KCNN2: variants seen among roughly 807,000 people sequenced by gnomAD.
The protein encoded by KCNN2 is small conductance calcium-activated potassium channel protein 2.
KCNN2 carries 24 observed loss-of-function variants against 55.5 expected under a neutral mutation model. The ratio of observed to expected loss-of-function variants is 0.43; its 90% confidence interval spans 0.31 to 0.61. The LOEUF (loss-of-function observed/expected upper bound fraction) is 0.61, where lower values mean the gene tolerates loss of function less well. Among genes scored for constraint, KCNN2 ranks in the 20% least tolerant of loss-of-function variants. The pLI is 0.08. For missense variants in KCNN2, 754 were observed against 853.6 expected (o/e 0.88, Z 1.45); for synonymous variants, 431 against 336.1 (o/e 1.28, Z -3.09).
chr5:114,171,699 T>C (rs1419140721), intron 1 of KCNN2, among the ~76,000 whole-genome samples: 2 of 150,682 alleles, frequency 1.3e-5, no homozygotes, highest in African/African-American at 4.9e-5. Context: ...TTGAGAACTG[T>C]GTTCTCTCCA....
intron 1 of KCNN2, among the ~76,000 whole-genome samples, chr5:114,059,520 C>G (rs990063331): frequency 1.3e-5 from 2 of 152,082 alleles, no homozygotes; most frequent in African/African-American, 4.8e-5. Context: ...TTTCCCCTAG[C>G]AAAGTATAAG....
intron 1 of KCNN2, among the ~76,000 whole-genome samples, chr5:114,090,455 T>C (rs921243375): frequency 2.0e-5 from 3 of 152,002 alleles, no homozygotes; most frequent in Admixed American, 6.6e-5. Context: ...GGACAAAATA[T>C]TCACAGGTTT....
chr5:114,253,977 T>C lies in KCNN2; in HGVS notation c.-185+32412T>C, dbSNP rs556766936. ...TTCATAAACAATTGCATGCCAAGTA[T>C]ACTTTATCAACATGATCATTAAAGG... is the stretch of plus-strand genomic sequence containing the variant. On this transcript the variant is annotated intron_variant, in intron 2 of 10. Transcript: ENST00000512097. Among the ~76,000 whole-genome samples, 43 of 152,338 alleles carry C rather than the reference T, an allele frequency of 2.8e-4. 1 individual carries two copies. In the South Asian group the frequency reaches 6.6e-3, roughly 23 times the overall value.
chr5:114,094,324 C>A (rs1256133798), intron 1 of KCNN2, among the ~76,000 whole-genome samples: 1 of 152,186 alleles, frequency 6.6e-6, no homozygotes, highest in Non-Finnish European at 1.5e-5. Flanking sequence ...CCCACCAGAC[C>A]TGAGCATTTT....
At chr5:114,330,624 AG>A (rs1384257316) in intron 2 of KCNN2, among the ~76,000 whole-genome samples, 1 of 66,644 alleles carries the variant, frequency 1.5e-5, no homozygotes, top group Non-Finnish European at 3.3e-5. Flanking sequence ...CATACCTCCA[AG>A]CCTCCTGTCC....
intron 3 of KCNN2, among the ~76,000 whole-genome samples, chr5:114,434,138 G>T (rs12520509): frequency 0.22 from 32,606 of 151,522 alleles, 4,069 homozygotes; most frequent in Non-Finnish European, 0.28. Context: ...CATAATATAT[G>T]ATTTCACTTT....
At chr5:114,104,953 G>C (rs1257274099) in intron 1 of KCNN2, among the ~76,000 whole-genome samples, 1 of 152,034 alleles carries the variant, frequency 6.6e-6, no homozygotes, top group African/African-American at 2.4e-5. Flanking sequence ...ACAATGAAAA[G>C]CTGGAGGCCA....
intron 2 of KCNN2, among the ~76,000 whole-genome samples, chr5:114,368,078 G>A (rs1477436743): frequency 6.6e-6 from 1 of 151,956 alleles, no homozygotes; most frequent in Non-Finnish European, 1.5e-5. Flanking sequence ...AATATAGTGG[G>A]CCCTCCATAT....
At chr5:114,422,037 A>G (rs560403376) in intron 3 of KCNN2, among the ~76,000 whole-genome samples, 3 of 152,300 alleles carry the variant, frequency 2.0e-5, no homozygotes, top group African/African-American at 4.8e-5. Context: ...CCAGCTTTTT[A>G]TATCAGTAGT....
intron 1 of KCNN2, among the ~76,000 whole-genome samples, chr5:114,162,515 A>T (rs1752810163): frequency 6.6e-6 from 1 of 151,920 alleles, no homozygotes; most frequent in Non-Finnish European, 1.5e-5. Context: ...GAGAACCACT[A>T]CTCTCTTCAA....
chr5:114,493,893 G>A (rs1310624168), intron 7 of KCNN2, among the ~76,000 whole-genome samples: 1 of 151,992 alleles, frequency 6.6e-6, no homozygotes, highest in African/African-American at 2.4e-5. Context: ...TCAAAAGAAT[G>A]TAAAGTTGAA....
intron 2 of KCNN2, among the ~76,000 whole-genome samples, chr5:114,243,027 T>C (rs1306046279): frequency 6.6e-6 from 1 of 152,084 alleles, no homozygotes; most frequent in Non-Finnish European, 1.5e-5. Flanking sequence ...TTCTCTGCCA[T>C]TGTGGAACTT....
intron 1 of KCNN2, among the ~76,000 whole-genome samples, chr5:114,176,968 A>C (rs1229042699): frequency 6.6e-6 from 1 of 152,012 alleles, no homozygotes; most frequent in African/African-American, 2.4e-5. Context: ...AAGGAGGAAC[A>C]GTTTTTTTTT....
intron 1 of KCNN2, among the ~76,000 whole-genome samples, chr5:114,136,529 T>A (rs543037408): frequency 6.6e-6 from 1 of 152,210 alleles, no homozygotes; most frequent in Non-Finnish European, 1.5e-5. Flanking sequence ...CAAAGATGGA[T>A]AGGCAGTTCA....
At position 114,166,134 on chromosome 5, in the gene KCNN2, C is replaced by T. The variant is rs148444175; in HGVS notation, c.-270-55346C>T. Among the ~76,000 whole-genome samples, 529 of 152,200 alleles carry T rather than the reference C, an allele frequency of 3.5e-3. 3 individuals are homozygous for T. Among genetic ancestry groups the T allele is most frequent in the African/African-American group, 0.012 (515 of 41,524 alleles). ...CTCAATGTCCTGACCTCATGAACCA[C>T]CCTCCTCGGCCTCCCAAAGTGCTGC... On this transcript the variant is annotated intron_variant, in intron 1 of 10. Coordinates refer to the KCNN2 transcript ENST00000512097.
chr5:114,073,145 G>C (rs981254978), intron 1 of KCNN2, among the ~76,000 whole-genome samples: 2 of 152,116 alleles, frequency 1.3e-5, no homozygotes, highest in African/African-American at 4.8e-5. Flanking sequence ...TATCATCTTT[G>C]TGTTCTTCTG....
At chr5:114,237,024 G>A (rs1423336447) in intron 2 of KCNN2, among the ~76,000 whole-genome samples, 1 of 152,074 alleles carries the variant, frequency 6.6e-6, no homozygotes, top group African/African-American at 2.4e-5. Flanking sequence ...ACTCTGTGGT[G>A]AACAGTGCTG....
intron 2 of KCNN2, among the ~76,000 whole-genome samples, chr5:114,275,443 G>A (rs887176044): frequency 6.6e-6 from 1 of 152,034 alleles, no homozygotes; most frequent in African/African-American, 2.4e-5. Context: ...GGTAGAATTC[G>A]GCTGTGAATC....
At chr5:114,124,559 C>A (rs1242475974) in intron 1 of KCNN2, among the ~76,000 whole-genome samples, 3 of 152,194 alleles carry the variant, frequency 2.0e-5, no homozygotes. Context: ...GCTCTCACCT[C>A]TGTTAACTTC....
Sources: gnomAD v4.1 joint callset for allele counts (sites outside exome capture counted in the v4.1 genomes callset) on GRCh38, gnomAD v4.1.1 for gene constraint, MANE v1.5 for transcripts, NCBI Gene and HGNC (gene_info 2026-07-23, HGNC 2026-07-21) for gene names.